Variants in TSGA13 observed in about 807,000 individuals in gnomAD.
TSGA13 encodes the protein testis-specific gene 13 protein.
TSGA13 carries 37 observed loss-of-function variants against 35.1 expected under a neutral mutation model. The observed-to-expected ratio is 1.05, with a 90% CI of 0.81 to 1.39. The LOEUF (loss-of-function observed/expected upper bound fraction) is 1.39, where lower values mean the gene tolerates loss of function less well. Among genes scored for constraint, TSGA13 ranks in the 40% most tolerant of loss-of-function variants. The pLI, the probability that TSGA13 is intolerant of heterozygous loss-of-function variation, is 0.00. For missense variants in TSGA13, 338 were observed against 328.5 expected (o/e 1.03, Z -0.22); for synonymous variants, 124 against 121.2 (o/e 1.02, Z -0.15).
At chr7:130,671,511 A>G (rs933649867) in intron 7 of TSGA13, 150 bp downstream of exon 7, 1 of 848,758 alleles carries the variant, frequency 1.2e-6, no homozygotes, top group Non-Finnish European at 1.6e-6. Context: ...TTGAGCCTCT[A>G]TTTGTTGTTA....
rs374590550 is a variant in TSGA13, at chr7:130,671,681, T to A, written c.638A>T (p.Glu213Val). 1 of 1,599,636 alleles carries A rather than the reference T, an allele frequency of 6.3e-7. No homozygotes were observed. Among genetic ancestry groups the A allele is most frequent in the Non-Finnish European group, 8.5e-7 (1 of 1,170,940 alleles). ...YPQLTFAPVH[E>V]RDMRKDASKK... ...CTTACCATCTTTCCTCATATCTCTC[T>A]CATGGACTGGAGCAAAGGTGAGCTG... Residue 213 changes from glutamate to valine, a missense_variant, in exon 7 of 8, where the codon GAG becomes GTG. Glu to Val is a moderately radical substitution (Grantham distance 121). Transcript: ENST00000356588.
intron 5 of TSGA13, among the ~76,000 whole-genome samples, chr7:130,674,737 A>G (rs781997553): frequency 6.6e-6 from 1 of 152,186 alleles, no homozygotes; most frequent in Non-Finnish European, 1.5e-5. Context: ...ATTAATTAAC[A>G]TATTGAGCTT....
chr7:130,679,417 C>T, intron 4 of TSGA13, 50 bp from the exon 5 acceptor site: 1 of 1,512,490 alleles, frequency 6.6e-7, no homozygotes, highest in Non-Finnish European at 9.0e-7. Context: ...AGGCCAAGAG[C>T]AGGTTAACAA....
intron 7 of TSGA13, among the ~76,000 whole-genome samples, chr7:130,671,426 G>A (rs1796265724): frequency 6.6e-6 from 1 of 152,180 alleles, no homozygotes; most frequent in South Asian, 2.1e-4. Flanking sequence ...AGTGCTGGGT[G>A]ATATAGCTTA....
chr7:130,675,680 G>A (rs958572601), intron 5 of TSGA13, among the ~76,000 whole-genome samples: 2 of 152,212 alleles, frequency 1.3e-5, no homozygotes, highest in South Asian at 4.1e-4. Context: ...ACTGCGCCAG[G>A]CCGGTTTGAG....
At chr7:130,685,797 G>A (rs1554465667) in intron 1 of TSGA13, among the ~76,000 whole-genome samples, 1 of 152,134 alleles carries the variant, frequency 6.6e-6, no homozygotes, top group Non-Finnish European at 1.5e-5. Flanking sequence ...TATATATTGG[G>A]AATGGGAGGA....
intron 2 of TSGA13, among the ~76,000 whole-genome samples, 198 bp from the exon 3 acceptor site, chr7:130,683,870 A>C (rs543889399): frequency 6.6e-6 from 1 of 152,358 alleles, no homozygotes; most frequent in Admixed American, 6.5e-5. Context: ...GCAAGACTTC[A>C]GTTTGGAGAG....
At chr7:130,679,700 G>A (rs1465270762) in intron 4 of TSGA13, among the ~76,000 whole-genome samples, 9 of 151,896 alleles carry the variant, frequency 5.9e-5, no homozygotes, top group East Asian at 1.9e-4. Context: ...TTCTGTTTTT[G>A]TTTTGTAGAG....
intron 5 of TSGA13, among the ~76,000 whole-genome samples, chr7:130,673,131 G>T (rs1796321825): frequency 6.6e-6 from 1 of 152,184 alleles, no homozygotes; most frequent in South Asian, 2.1e-4. Context: ...TTGCCTACTG[G>T]CCCTTGGAAG....
At chr7:130,685,465 G>T in intron 1 of TSGA13, 105 bp from the exon 2 acceptor site, 1 of 1,107,370 alleles carries the variant, frequency 9.0e-7, no homozygotes, top group African/African-American at 1.6e-5. Flanking sequence ...TTCACAAACG[G>T]GGGAGGTGGG....
chr7:130,679,990 G>A (rs1465465489), intron 4 of TSGA13, among the ~76,000 whole-genome samples: 1 of 152,164 alleles, frequency 6.6e-6, no homozygotes, highest in African/African-American at 2.4e-5. Context: ...AAGCAGAGAA[G>A]TTTCTACATG....
At chr7:130,675,587 G>C (rs187154105) in intron 5 of TSGA13, among the ~76,000 whole-genome samples, 1 of 152,182 alleles carries the variant, frequency 6.6e-6, no homozygotes, top group Admixed American at 6.5e-5. Flanking sequence ...GTTTCACCAC[G>C]TTAGCCAGGA....
Position 130,682,680 on chromosome 7 carries a change from G to A in TSGA13, c.102+914C>T, listed in dbSNP as rs570666994. Among the ~76,000 whole-genome samples, 3 of 152,308 alleles carry A rather than the reference G, an allele frequency of 2.0e-5. No individual in the cohort carries two copies. The East Asian group carries it at 5.8e-4, about 29-fold the overall frequency. On this transcript the variant is annotated intron_variant, in intron 3 of 7. Coordinates refer to ENST00000356588, the MANE Select transcript of TSGA13 (RefSeq NM_052933.4). ...AAGCAAGAGGGCTAATGGAGAAGAGGGAAGCAGTCAGAATGGGACAGAACT... is the reference window on the plus strand; with the variant it reads ...AAGCAAGAGGGCTAATGGAGAAGAGAGAAGCAGTCAGAATGGGACAGAACT...
At chr7:130,684,216 A>G (rs1796610047) in intron 2 of TSGA13, among the ~76,000 whole-genome samples, 1 of 152,202 alleles carries the variant, frequency 6.6e-6, no homozygotes, top group East Asian at 1.9e-4. Flanking sequence ...TGTCTTCCTA[A>G]CCACATCTCT....
chr7:130,669,921 A>G (rs569869177), intron 7 of TSGA13, among the ~76,000 whole-genome samples: 14 of 152,282 alleles, frequency 9.2e-5, no homozygotes, highest in African/African-American at 2.9e-4. Flanking sequence ...GGAAGGAAAC[A>G]TCCTCTTCCT....
At position 130,672,590 on chromosome 7, in the gene TSGA13, G is replaced by A. The variant is rs555362736; in HGVS notation, c.530+144C>T. Reference sequence around the variant, plus strand: ...TTCTCTTTGATTCATGTGTCAATGAGGTTAGGGTCATGTAGGGAAAGTCGT... The same window carrying A: ...TTCTCTTTGATTCATGTGTCAATGAAGTTAGGGTCATGTAGGGAAAGTCGT... On this transcript the variant is annotated intron_variant, in intron 6 of 7. Transcript: ENST00000356588. 8.6e-4 allele frequency: 937 copies of A among 1,095,358 alleles called. 3 individuals are homozygous for A. Among genetic ancestry groups the A allele is most frequent in the Middle Eastern group, 4.1e-3 (16 of 3,886 alleles). The allele number at this position is 1,095,358 out of a possible 1,614,324, so 67.9% of individuals were successfully genotyped here. A position where few individuals can be genotyped will look rare whatever the true frequency, so the allele number is the denominator to read the frequency against.
chr7:130,682,984 A>G (rs2116328573), intron 3 of TSGA13, among the ~76,000 whole-genome samples: 1 of 152,366 alleles, frequency 6.6e-6, no homozygotes, highest in Admixed American at 6.5e-5. Context: ...GAATCATAGA[A>G]GTTAGGAAAA....
At position 130,671,704 on chromosome 7, in the gene TSGA13, C is replaced by T. The variant is rs782778909; in HGVS notation, c.615G>A (p.Gln205=). The T allele has an allele frequency of 6.2e-7, 1 of 1,609,960 alleles. No individual in the cohort carries two copies. ...TCTCATGGACTGGAGCAAAGGTGAGCTGAGGGTACATTTTCTTCTGTGTCC... is the reference window on the plus strand; with the variant it reads ...TCTCATGGACTGGAGCAAAGGTGAGTTGAGGGTACATTTTCTTCTGTGTCC... ...ALRTQKKMYP[Q]LTFAPVHERD... The change falls in exon 7 of 8, where the codon CAG becomes CAA. Residue 205 remains glutamine (Q), a synonymous_variant. Coordinates refer to ENST00000356588, the MANE Select transcript of TSGA13 (RefSeq NM_052933.4).
chr7:130,683,103 T>C (rs1796586598), intron 3 of TSGA13, among the ~76,000 whole-genome samples: 1 of 152,220 alleles, frequency 6.6e-6, no homozygotes, highest in African/African-American at 2.4e-5. Context: ...TGAAGTTTTT[T>C]GAAGTATTGC....
Sources: allele counts gnomAD v4.1 joint callset (sites outside exome capture counted in the v4.1 genomes callset), GRCh38; gene constraint gnomAD v4.1.1; transcripts MANE v1.5; gene names NCBI Gene and HGNC (gene_info 2026-07-23, HGNC 2026-07-21).